Variants in VPS13B observed in about 807,000 individuals in gnomAD.
VPS13B encodes the protein vacuolar protein sorting 13 homolog B.
Under a neutral mutation model 426.4 loss-of-function variants are expected in VPS13B, and 285 were observed. The ratio of observed to expected loss-of-function variants is 0.67; its 90% confidence interval spans 0.61 to 0.74. VPS13B has a LOEUF of 0.74. VPS13B is among the 30% of genes least tolerant of loss of function. The probability of loss-of-function intolerance (pLI) is 0.00; values close to 1 mark genes in which losing one functional copy is unlikely to be tolerated. For missense variants in VPS13B, 4,537 were observed against 4,782.6 expected (o/e 0.95, Z 1.51); for synonymous variants, 1,676 against 1,676.4 (o/e 1.00, Z 0.01).
intron 35 of VPS13B, among the ~76,000 whole-genome samples, chr8:99,691,507 C>T (rs1040974767): frequency 1.1e-4 from 17 of 151,814 alleles, no homozygotes; most frequent in Admixed American, 5.9e-4. Flanking sequence ...CTGACCCTTT[C>T]CAATGCACAA....
intron 21 of VPS13B, among the ~76,000 whole-genome samples, chr8:99,402,806 G>T (rs1815110304): frequency 1.3e-5 from 2 of 152,232 alleles, no homozygotes; most frequent in African/African-American, 4.8e-5. Context: ...AAGTAAGCCT[G>T]AGAAAGGAGG....
chr8:99,517,510 T>TA (rs955137455), intron 29 of VPS13B, among the ~76,000 whole-genome samples: 8 of 152,154 alleles, frequency 5.3e-5, no homozygotes, highest in African/African-American at 1.9e-4. Flanking sequence ...CAGTTAATGA[T>TA]AAAAAAATTG....
chr8:99,036,424 G>T (rs1326697293), intron 2 of VPS13B, among the ~76,000 whole-genome samples: 2 of 152,138 alleles, frequency 1.3e-5, no homozygotes, highest in Non-Finnish European at 2.9e-5. Context: ...AGAATGAAAA[G>T]AAAATTCCTT....
chr8:99,518,149 A>G (rs1822187821), intron 29 of VPS13B, among the ~76,000 whole-genome samples: 1 of 151,962 alleles, frequency 6.6e-6, no homozygotes, highest in African/African-American at 2.4e-5. Flanking sequence ...TTTCTCCTCC[A>G]TATTTACCTC....
intron 14 of VPS13B, among the ~76,000 whole-genome samples, chr8:99,154,075 A>AT (rs1163385882): frequency 6.8e-6 from 1 of 147,938 alleles, no homozygotes; most frequent in Non-Finnish European, 1.5e-5. Context: ...AGTAACATGT[A>AT]TTTTTTTCTG....
At chr8:99,335,682 C>G (rs1346250655) in intron 19 of VPS13B, among the ~76,000 whole-genome samples, 6 of 152,102 alleles carry the variant, frequency 3.9e-5, no homozygotes, top group African/African-American at 1.4e-4. Context: ...GATACAAAAT[C>G]AATGTGCAAA....
At chr8:99,544,804 A>G (rs1169537544) in intron 30 of VPS13B, among the ~76,000 whole-genome samples, 1 of 152,198 alleles carries the variant, frequency 6.6e-6, no homozygotes, top group African/African-American at 2.4e-5. Flanking sequence ...AGCCCTGCCT[A>G]ATAATAGGCC....
chr8:99,493,328 G>T (rs1455616318), intron 25 of VPS13B, among the ~76,000 whole-genome samples: 5 of 152,034 alleles, frequency 3.3e-5, no homozygotes, highest in Non-Finnish European at 1.5e-5. Flanking sequence ...GTTCCCTCTT[G>T]TCCTACTCTC....
At chr8:99,158,940 T>G (rs2132630720) in intron 15 of VPS13B, among the ~76,000 whole-genome samples, 1 of 152,328 alleles carries the variant, frequency 6.6e-6, no homozygotes, top group East Asian at 1.9e-4. Context: ...ATAGCTACCA[T>G]AGATAGCCAT....
intron 33 of VPS13B, among the ~76,000 whole-genome samples, chr8:99,628,063 G>T (rs1372332483): frequency 6.6e-6 from 1 of 152,162 alleles, no homozygotes; most frequent in Non-Finnish European, 1.5e-5. Context: ...CTGATGCATT[G>T]AATTTAGAAT....
rs139332633 is a variant in VPS13B, at chr8:99,032,247, A to G, written c.148-6176A>G. The stretch of plus-strand genomic sequence containing the variant: ...TGAGTTCCATTGTTCTCCCATAGAC[A>G]CTAAACTCAAACTGCTCTATTTGTT... On this transcript the variant is annotated intron_variant, in intron 2 of 61. Coordinates refer to ENST00000357162, the MANE Select transcript of VPS13B (RefSeq NM_152564.5). Among the ~76,000 whole-genome samples, 997 of 152,268 alleles carry G rather than the reference A, an allele frequency of 6.5e-3. 6 individuals are homozygous for G. The highest frequency in any genetic ancestry group is 9.4e-3 in the Non-Finnish European group (639 of 68,026).
chr8:99,343,954 G>A (rs570022259), intron 19 of VPS13B, among the ~76,000 whole-genome samples: 5 of 152,184 alleles, frequency 3.3e-5, no homozygotes, highest in Admixed American at 2.6e-4. Context: ...GTTTTTCACA[G>A]AAATAGAAAA....
chr8:99,739,908 G>A (rs766663696), intron 39 of VPS13B, among the ~76,000 whole-genome samples: 6 of 152,114 alleles, frequency 3.9e-5, no homozygotes, highest in South Asian at 4.1e-4. Context: ...TCTAAAAATC[G>A]GAGCACCACT....
intron 8 of VPS13B, among the ~76,000 whole-genome samples, chr8:99,123,834 G>T (rs989967054): frequency 6.6e-6 from 1 of 152,084 alleles, no homozygotes; most frequent in Non-Finnish European, 1.5e-5. Flanking sequence ...GACTGGGATT[G>T]GGAGAAGACT....
Position 99,779,005 on chromosome 8 carries a change from A to T in VPS13B, c.7753A>T (p.Asn2585Tyr), listed in dbSNP as rs1449654147. ...NLGQHVVHSL[N>Y]TAIQAWQQNK... Reference sequence around the variant, plus strand: ...TGGACAGCATGTAGTCCATTCACTAAACACTGCAATACAAGCTTGGCAACA... The same window carrying T: ...TGGACAGCATGTAGTCCATTCACTATACACTGCAATACAAGCTTGGCAACA... The change falls in exon 42 of 62, where the codon AAC becomes TAC. Residue 2585 changes from asparagine (N) to tyrosine (Y), a missense_variant. Coordinates refer to ENST00000357162, the MANE Select transcript of VPS13B (RefSeq NM_152564.5). 6.2e-7 allele frequency: 1 copy of T among 1,613,676 alleles called. No homozygotes were observed. Among genetic ancestry groups the T allele is most frequent in the South Asian group, 1.1e-5 (1 of 91,020 alleles).
At chr8:99,766,255 T>C (rs2130618798) in intron 39 of VPS13B, among the ~76,000 whole-genome samples, 1 of 152,046 alleles carries the variant, frequency 6.6e-6, no homozygotes, top group South Asian at 2.1e-4. Context: ...AACTAATTTT[T>C]GTATTTTTAG....
chr8:99,366,278 T>C (rs1812883778), intron 19 of VPS13B, among the ~76,000 whole-genome samples: 1 of 152,186 alleles, frequency 6.6e-6, no homozygotes, highest in Non-Finnish European at 1.5e-5. Flanking sequence ...GCTCCAGTGT[T>C]TGGTATATTA....
chr8:99,688,746 T>C (rs1436611884), intron 35 of VPS13B, among the ~76,000 whole-genome samples: 1 of 152,048 alleles, frequency 6.6e-6, no homozygotes, highest in Non-Finnish European at 1.5e-5. Context: ...TGTGGCAGAT[T>C]GATTAATAGA....
At chr8:99,068,459 A>G (rs1225592458) in intron 3 of VPS13B, among the ~76,000 whole-genome samples, 2 of 152,206 alleles carry the variant, frequency 1.3e-5, no homozygotes, top group Admixed American at 6.5e-5. Flanking sequence ...TGTAAATACA[A>G]GTTTTTTGGA....
Sources: gnomAD v4.1 joint callset for allele counts (sites outside exome capture counted in the v4.1 genomes callset) on GRCh38, gnomAD v4.1.1 for gene constraint, MANE v1.5 for transcripts, NCBI Gene and HGNC (gene_info 2026-07-23, HGNC 2026-07-21) for gene names.